Variants in RAVER2 observed in about 807,000 individuals in gnomAD.
RAVER2 encodes ribonucleoprotein PTB-binding 2.
A neutral mutation model predicts 78.1 loss-of-function variants in RAVER2; 46 were observed. That is an observed-to-expected ratio of 0.59 (90% CI 0.46 to 0.75). The LOEUF is 0.75. Ranked by LOEUF, RAVER2 falls within the 30% of genes least tolerant of loss-of-function variation. The pLI, the probability that RAVER2 is intolerant of heterozygous loss-of-function variation, is 0.00. For synonymous variants in RAVER2, 311 were observed against 313.3 expected (o/e 0.99, Z 0.08); for missense variants, 793 against 837.5 (o/e 0.95, Z 0.66).
At chr1:64,770,611 A>G (rs1282107111) in intron 2 of RAVER2, among the ~76,000 whole-genome samples, 2 of 152,026 alleles carry the variant, frequency 1.3e-5, no homozygotes, top group Non-Finnish European at 2.9e-5. Context: ...GAGGACAAAA[A>G]TCAATCACAA....
intron 2 of RAVER2, among the ~76,000 whole-genome samples, chr1:64,773,892 ATC>A (rs1286092468): frequency 6.6e-6 from 1 of 152,160 alleles, no homozygotes; most frequent in African/African-American, 2.4e-5. Context: ...GTGAGATGGT[ATC>A]TCATTGTGGT....
At chr1:64,831,295 A>G (rs879522200) in exon 12 of RAVER2, 2 of 197,346 alleles carry the variant, frequency 1.0e-5, no homozygotes, top group African/African-American at 4.6e-5. Flanking sequence ...CACCATATAT[A>G]AAAGAAGTTT....
chr1:64,791,230 A>T (rs749901680), intron 5 of RAVER2, among the ~76,000 whole-genome samples: 4 of 152,146 alleles, frequency 2.6e-5, no homozygotes, highest in Non-Finnish European at 4.4e-5. Flanking sequence ...CCAACTGGGG[A>T]TCTCTACTGA....
At chr1:64,748,151 A>C (rs1651594197) in intron 1 of RAVER2, among the ~76,000 whole-genome samples, 1 of 152,218 alleles carries the variant, frequency 6.6e-6, no homozygotes, top group Non-Finnish European at 1.5e-5. Context: ...GGCTCTAAAA[A>C]AAAGTGAACA....
At chr1:64,829,700 C>A (rs768580603) in intron 11 of RAVER2, among the ~76,000 whole-genome samples, 6 of 152,236 alleles carry the variant, frequency 3.9e-5, no homozygotes, top group Admixed American at 6.5e-5. Context: ...TAGCACAAAC[C>A]CCAGACATAC....
Position 64,788,521 on chromosome 1 carries a change from C to T in RAVER2, c.979-867C>T, listed in dbSNP as rs552291225. On this transcript the variant is annotated intron_variant, in intron 4 of 11. Transcript: ENST00000294428. ...AATAAAGAAGATTTTGGGTCAGTCG[C>T]GGTGGCTCACACCTATAATCCTAGC... 1.2e-4 allele frequency among the ~76,000 whole-genome samples: 18 copies of T among 149,678 alleles called. No individual in the cohort carries two copies. In the East Asian group the frequency reaches 2.0e-3, roughly 17 times the overall value.
At chr1:64,799,269 T>C (rs1653191383) in intron 5 of RAVER2, among the ~76,000 whole-genome samples, 1 of 152,226 alleles carries the variant, frequency 6.6e-6, no homozygotes, top group Non-Finnish European at 1.5e-5. Flanking sequence ...TTTTTTCTTA[T>C]GGCTGAATAG....
At chr1:64,762,879 T>C (rs1176161825) in intron 1 of RAVER2, among the ~76,000 whole-genome samples, 3 of 152,162 alleles carry the variant, frequency 2.0e-5, no homozygotes. Context: ...TATTATATGA[T>C]AGATGGGACT....
chr1:64,825,707 AT>A (rs1653990639), intron 11 of RAVER2, among the ~76,000 whole-genome samples: 1 of 152,200 alleles, frequency 6.6e-6, no homozygotes, highest in Admixed American at 6.5e-5. Context: ...CTTAAGATAC[AT>A]TGTATTAAAA....
intron 11 of RAVER2, among the ~76,000 whole-genome samples, chr1:64,820,726 C>T (rs944363211): frequency 6.6e-6 from 1 of 152,194 alleles, no homozygotes; most frequent in Non-Finnish European, 1.5e-5. Flanking sequence ...ATCCATGTTC[C>T]CACAAAAGAC....
At chr1:64,814,949 A>G in intron 11 of RAVER2, 109 bp downstream of exon 11, 2 of 945,926 alleles carry the variant, frequency 2.1e-6, no homozygotes, top group East Asian at 6.2e-5. Flanking sequence ...AGGCAAATCA[A>G]ATTGCACTGA....
chr1:64,787,676 C>T (rs1017356397), intron 4 of RAVER2, among the ~76,000 whole-genome samples: 4 of 152,198 alleles, frequency 2.6e-5, no homozygotes, highest in African/African-American at 9.7e-5. Context: ...CACTTGTGTG[C>T]CATCCTGCTG....
chr1:64,790,035 AC>A (rs1277226431), intron 5 of RAVER2, among the ~76,000 whole-genome samples: 1 of 152,122 alleles, frequency 6.6e-6, no homozygotes, highest in African/African-American at 2.4e-5. Context: ...TTAAATATCT[AC>A]CTATTTAGTA....
chr1:64,751,705 C>T (rs1478138948), intron 1 of RAVER2, among the ~76,000 whole-genome samples: 1 of 152,108 alleles, frequency 6.6e-6, no homozygotes, highest in Admixed American at 6.6e-5. Flanking sequence ...GGCCTCAGAT[C>T]CTGTGCTACC....
At position 64,804,617 on chromosome 1, in the gene RAVER2, G is replaced by A. The variant is rs574434037; in HGVS notation, c.1192-117G>A. On this transcript the variant is annotated intron_variant, in intron 6 of 11. Coordinates refer to ENST00000294428, the Ensembl canonical transcript of RAVER2. ...TCTGATAAGTTGGAGAGTGAAATAT[G>A]TTTAGAAGCAGTTACTTTTACTCAG... 93 of 555,330 alleles carry A rather than the reference G, an allele frequency of 1.7e-4. No individual in the cohort carries two copies. In the African/African-American group the frequency reaches 1.7e-3, roughly 10 times the overall value. 34.4% of individuals were successfully genotyped at this position (555,330 alleles called of 1,614,324 possible).
Position 64,777,979 on chromosome 1 carries a change from T to G in RAVER2, c.673T>G (p.Ser225Ala), listed in dbSNP as rs779316636. ...ATGGATGGATGTTAATCTATTGGCT[T>G]CAGAGCTCATTCATTCTAAGTGCCT... is the stretch of plus-strand genomic sequence containing the variant. The change falls in exon 3 of 12, where the codon TCA (serine) becomes GCA (alanine). Residue 225 changes from serine to alanine, a missense_variant. Physicochemically the swap from Ser to Ala is moderately conservative, Grantham distance 99. Transcript: ENST00000294428. The G allele has an allele frequency of 1.9e-6, 3 of 1,614,130 alleles. No individual in the cohort carries two copies. Among genetic ancestry groups the G allele is most frequent in the East Asian group, 2.2e-5 (1 of 44,884 alleles).
intron 1 of RAVER2, 138 bp from the exon 2 acceptor site, chr1:64,768,518 G>A (rs1652232119): frequency 1.6e-5 from 10 of 634,550 alleles, no homozygotes; most frequent in Non-Finnish European, 2.8e-5. Flanking sequence ...GTAAGTAATG[G>A]GGATCCATGA....
At chr1:64,815,713 C>T (rs1003563767) in intron 11 of RAVER2, 5 of 152,180 alleles carry the variant, frequency 3.3e-5, no homozygotes, top group African/African-American at 7.2e-5. Flanking sequence ...AAGAAAACCA[C>T]TTAGAACAAT....
chr1:64,796,473 GTTC>G (rs781404255), intron 5 of RAVER2, among the ~76,000 whole-genome samples: 67 of 152,146 alleles, frequency 4.4e-4, no homozygotes, highest in Non-Finnish European at 8.7e-4. Context: ...TCAGGATCTT[GTTC>G]TTCTTAAGTG....
Sources: gnomAD v4.1 joint callset for allele counts (sites outside exome capture counted in the v4.1 genomes callset) on GRCh38, gnomAD v4.1.1 for gene constraint, MANE v1.5 for transcripts, NCBI Gene and HGNC (gene_info 2026-07-23, HGNC 2026-07-21) for gene names.